Variants in FSTL5 observed in about 807,000 individuals in gnomAD.
The protein encoded by FSTL5 is follistatin-related protein 5.
Under a neutral mutation model 89.1 loss-of-function variants are expected in FSTL5, and 62 were observed. The ratio of observed to expected loss-of-function variants is 0.70; its 90% CI spans 0.57 to 0.86. The LOEUF (loss-of-function observed/expected upper bound fraction) is 0.86. Ranked by LOEUF, FSTL5 falls within the 40% of genes least tolerant of loss-of-function variation. FSTL5 has a pLI of 0.00. For missense variants in FSTL5, 1,057 were observed against 1,001.6 expected (o/e 1.06, Z -0.75); for synonymous variants, 383 against 346.2 (o/e 1.11, Z -1.18).
At chr4:161,734,093 T>C (rs913240816) in intron 6 of FSTL5, among the ~76,000 whole-genome samples, 6 of 152,164 alleles carry the variant, frequency 3.9e-5, no homozygotes, top group Admixed American at 3.3e-4. Flanking sequence ...TATGAAAAGA[T>C]CTTTGAGAAG....
intron 1 of FSTL5, among the ~76,000 whole-genome samples, chr4:162,132,966 G>A (rs1324934837): frequency 6.6e-6 from 1 of 151,852 alleles, no homozygotes; most frequent in African/African-American, 2.4e-5. Context: ...TTTTTGAGAC[G>A]GAGTCTCGCT....
chr4:161,851,890 C>T (rs985766912), intron 4 of FSTL5, among the ~76,000 whole-genome samples: 3 of 89,060 alleles, frequency 3.4e-5, no homozygotes, highest in African/African-American at 1.2e-4. Flanking sequence ...TGATCTCATC[C>T]CTACACACAC....
intron 7 of FSTL5, among the ~76,000 whole-genome samples, chr4:161,648,685 T>C (rs568359271): frequency 2.8e-5 from 4 of 144,620 alleles, no homozygotes; most frequent in Non-Finnish European, 4.6e-5. Flanking sequence ...TTAAAAAAAA[T>C]AATGCAAAAC....
chr4:161,796,863 T>G (rs1729647366), intron 4 of FSTL5, among the ~76,000 whole-genome samples: 1 of 151,608 alleles, frequency 6.6e-6, no homozygotes, highest in Admixed American at 6.6e-5. Context: ...CTCAAAGTCA[T>G]AAGTTGAGGA....
chr4:162,094,032 C>T (rs1465604945), intron 2 of FSTL5, among the ~76,000 whole-genome samples: 2 of 152,048 alleles, frequency 1.3e-5, no homozygotes, highest in African/African-American at 4.8e-5. Flanking sequence ...TATTAAGAAC[C>T]ATTTTGATAT....
chr4:162,048,529 G>A (rs2111251245), intron 2 of FSTL5, among the ~76,000 whole-genome samples: 1 of 151,804 alleles, frequency 6.6e-6, no homozygotes, highest in East Asian at 1.9e-4. Context: ...ACTACTATCA[G>A]TATTATTTTC....
At chr4:162,062,759 G>A (rs943544128) in intron 2 of FSTL5, among the ~76,000 whole-genome samples, 4 of 149,890 alleles carry the variant, frequency 2.7e-5, no homozygotes, top group Admixed American at 1.3e-4. Context: ...ACACCTTTTT[G>A]CTCACTGTAA....
At chr4:161,980,283 AAGAAAGAG>A (rs1317645742) in intron 3 of FSTL5, among the ~76,000 whole-genome samples, 2 of 150,720 alleles carry the variant, frequency 1.3e-5, no homozygotes, top group Non-Finnish European at 3.0e-5. Context: ...GAAAGAAAGA[AAGAAAGAG>A]AAAGAAAGAA....
chr4:161,718,728 T>C (rs1044414138), intron 6 of FSTL5, among the ~76,000 whole-genome samples: 1 of 152,062 alleles, frequency 6.6e-6, no homozygotes, highest in Non-Finnish European at 1.5e-5. Flanking sequence ...ATGTCCTGCC[T>C]GAAATACACA....
At chr4:161,820,633 C>G (rs377764498) in intron 4 of FSTL5, among the ~76,000 whole-genome samples, 27 of 152,198 alleles carry the variant, frequency 1.8e-4, no homozygotes, top group African/African-American at 6.3e-4. Context: ...AGGCCTGGAC[C>G]ATGAGAGCCT....
At chr4:161,814,964 A>C (rs1730279663) in intron 4 of FSTL5, among the ~76,000 whole-genome samples, 1 of 152,096 alleles carries the variant, frequency 6.6e-6, no homozygotes, top group Admixed American at 6.5e-5. Flanking sequence ...CTATAGGATC[A>C]TACAATTCTG....
At chr4:161,544,550 A>T (rs547129689) in intron 8 of FSTL5, among the ~76,000 whole-genome samples, 1 of 152,058 alleles carries the variant, frequency 6.6e-6, no homozygotes, top group South Asian at 2.1e-4. Flanking sequence ...CTAGGCTTAG[A>T]TAGTGGTGAT....
intron 3 of FSTL5, among the ~76,000 whole-genome samples, chr4:162,002,833 G>C (rs1231430803): frequency 2.0e-5 from 3 of 151,082 alleles, no homozygotes; most frequent in African/African-American, 4.9e-5. Context: ...TGCTTCCATA[G>C]ACCTTGGGTT....
intron 4 of FSTL5, among the ~76,000 whole-genome samples, chr4:161,882,564 C>A (rs76335436): frequency 5.9e-5 from 9 of 151,924 alleles, no homozygotes; most frequent in Non-Finnish European, 1.2e-4. Context: ...CATGTAGGGA[C>A]AATGTATTAT....
chr4:161,589,930 G>A (rs1733749239), intron 7 of FSTL5, among the ~76,000 whole-genome samples: 1 of 151,826 alleles, frequency 6.6e-6, no homozygotes, highest in African/African-American at 2.4e-5. Flanking sequence ...GAACTATATA[G>A]GAACACTCAT....
At chr4:161,627,470 C>G (rs1184525453) in intron 7 of FSTL5, among the ~76,000 whole-genome samples, 6 of 151,956 alleles carry the variant, frequency 3.9e-5, no homozygotes, top group African/African-American at 1.4e-4. Flanking sequence ...ACTGGGAAAC[C>G]AAAACAATTT....
chr4:162,160,832 C>CA (rs565052083), intron 1 of FSTL5, among the ~76,000 whole-genome samples: 1,719 of 146,986 alleles, frequency 0.012, 28 homozygotes, highest in African/African-American at 0.04. Flanking sequence ...CAAAACAAAA[C>CA]AAAAAAAAAG....
At chr4:161,662,062 G>A (rs1296492179) in intron 6 of FSTL5, among the ~76,000 whole-genome samples, 1 of 152,016 alleles carries the variant, frequency 6.6e-6, no homozygotes, top group Non-Finnish European at 1.5e-5. Context: ...GTTCTTATGT[G>A]GCTTATTGTT....
intron 2 of FSTL5, among the ~76,000 whole-genome samples, chr4:162,063,758 G>A (rs1486655984): frequency 1.3e-5 from 2 of 151,806 alleles, no homozygotes; most frequent in East Asian, 1.9e-4. Flanking sequence ...TTTGAATTAT[G>A]ACAATAATGC....
Sources: allele counts gnomAD v4.1 joint callset (sites outside exome capture counted in the v4.1 genomes callset), GRCh38; gene constraint gnomAD v4.1.1; transcripts MANE v1.5; gene names NCBI Gene and HGNC (gene_info 2026-07-23, HGNC 2026-07-21).